Variants in ORC4 observed in about 807,000 individuals in gnomAD.
ORC4 encodes the protein origin recognition complex subunit 4, also known as origin recognition complex, subunit 4 homolog.
A neutral mutation model predicts 63.9 loss-of-function variants in ORC4; 55 were observed. The observed-to-expected ratio is 0.86, with a 90% CI of 0.69 to 1.08. The LOEUF is 1.08. Ranked by LOEUF, ORC4 falls within the 50% of genes least tolerant of loss-of-function variation. ORC4 has a pLI of 0.00. For synonymous variants in ORC4, 150 were observed against 168.5 expected (o/e 0.89, Z 0.85); for missense variants, 511 against 504.4 (o/e 1.01, Z -0.13).
chr2:147,974,696 A>T (rs1690432773), intron 2 of ORC4, among the ~76,000 whole-genome samples: 1 of 151,912 alleles, frequency 6.6e-6, no homozygotes, highest in Non-Finnish European at 1.5e-5. Flanking sequence ...TTGTACAGGT[A>T]ATAGCTAATA....
chr2:147,938,893 AATG>A (rs1379453647), intron 11 of ORC4, among the ~76,000 whole-genome samples: 1 of 152,186 alleles, frequency 6.6e-6, no homozygotes, highest in African/African-American at 2.4e-5. Context: ...TTCTTGATAC[AATG>A]ATAACATCAG....
chr2:147,943,126 A>G (rs1405321245), intron 10 of ORC4, among the ~76,000 whole-genome samples: 2 of 152,158 alleles, frequency 1.3e-5, no homozygotes, highest in Admixed American at 6.6e-5. Flanking sequence ...ATCAAATAAA[A>G]GGAGATATGA....
chr2:147,943,726 C>A (rs1313880521), intron 9 of ORC4, among the ~76,000 whole-genome samples: 1 of 152,108 alleles, frequency 6.6e-6, no homozygotes, highest in Non-Finnish European at 1.5e-5. Context: ...CTGTTCTTTA[C>A]GTTAATTCAA....
At chr2:147,972,218 A>G (rs1041060265) in intron 4 of ORC4, among the ~76,000 whole-genome samples, 6 of 152,150 alleles carry the variant, frequency 3.9e-5, no homozygotes, top group African/African-American at 1.2e-4. Context: ...CAAGAATGAT[A>G]TAAGATGTGA....
chr2:147,970,699 A>C (rs1304785669), intron 4 of ORC4, among the ~76,000 whole-genome samples: 1 of 152,048 alleles, frequency 6.6e-6, no homozygotes, highest in African/African-American at 2.4e-5. Context: ...TCACAGACCT[A>C]TATATAAAAT....
chr2:147,973,566 A>C (rs1690351574), intron 2 of ORC4, 42 bp from the exon 3 acceptor site: 1 of 1,072,398 alleles, frequency 9.3e-7, no homozygotes, highest in Admixed American at 1.8e-5. Flanking sequence ...AAAATATTAC[A>C]CATGATATAA....
intron 1 of ORC4, among the ~76,000 whole-genome samples, chr2:147,985,507 T>C (rs1248047054): frequency 6.6e-6 from 1 of 152,180 alleles, no homozygotes; most frequent in Non-Finnish European, 1.5e-5. Context: ...TAGTAAACTC[T>C]CTTAACATCT....
At chr2:147,939,059 A>T in intron 11 of ORC4, 81 bp downstream of exon 11, 1 of 859,322 alleles carries the variant, frequency 1.2e-6, no homozygotes, top group Non-Finnish European at 2.0e-6. Context: ...TGCCCACGTT[A>T]ATTGTAATTT....
intron 10 of ORC4, 78 bp downstream of exon 10, chr2:147,943,358 C>A (rs1369428893): frequency 1.1e-6 from 1 of 945,524 alleles, no homozygotes; most frequent in Non-Finnish European, 1.7e-6. Flanking sequence ...CGCAACCAGT[C>A]TGAGCAACAA....
At chr2:148,011,366 C>T (rs1375822475) in intron 1 of ORC4, among the ~76,000 whole-genome samples, 1 of 152,112 alleles carries the variant, frequency 6.6e-6, no homozygotes, top group African/African-American at 2.4e-5. Flanking sequence ...GAATGAAGGA[C>T]ACAAAGTGTA....
At chr2:148,017,814 C>T (rs1380821910) in intron 1 of ORC4, among the ~76,000 whole-genome samples, 1 of 152,158 alleles carries the variant, frequency 6.6e-6, no homozygotes, top group East Asian at 1.9e-4. Context: ...TAATTGAACA[C>T]TAAATAAAAC....
At chr2:148,020,479 C>A (rs969670100) in intron 1 of ORC4, 154 bp downstream of exon 1, 8 of 152,354 alleles carry the variant, frequency 5.3e-5, no homozygotes, top group African/African-American at 1.9e-4. Context: ...CCTGGCCTTC[C>A]CGGCCTATAC....
intron 13 of ORC4, among the ~76,000 whole-genome samples, chr2:147,935,956 T>A (rs1688030250): frequency 6.6e-6 from 1 of 152,202 alleles, no homozygotes; most frequent in South Asian, 2.1e-4. Context: ...ATTCAATATA[T>A]ACAATATGGT....
At chr2:147,985,152 T>C (rs972257866) in intron 1 of ORC4, among the ~76,000 whole-genome samples, 1 of 152,198 alleles carries the variant, frequency 6.6e-6, no homozygotes, top group African/African-American at 2.4e-5. Flanking sequence ...CTAACTCTGT[T>C]TGGCCAACAA....
At chr2:148,016,615 G>A (rs903900228) in intron 1 of ORC4, among the ~76,000 whole-genome samples, 3 of 152,086 alleles carry the variant, frequency 2.0e-5, no homozygotes, top group Non-Finnish European at 4.4e-5. Context: ...TTTTTTCAGG[G>A]AAAATGCTTC....
intron 4 of ORC4, among the ~76,000 whole-genome samples, chr2:147,965,954 C>CCAA (rs1689868048): frequency 6.6e-6 from 1 of 152,078 alleles, no homozygotes; most frequent in Admixed American, 6.5e-5. Flanking sequence ...ACCTGTAACC[C>CCAA]CAACACTTTG....
chr2:147,966,835 T>C (rs928147326), intron 4 of ORC4, among the ~76,000 whole-genome samples: 1 of 152,200 alleles, frequency 6.6e-6, no homozygotes, highest in Non-Finnish European at 1.5e-5. Flanking sequence ...GAGAAAATTC[T>C]TCCTAATTCG....
chr2:147,995,416 C>T (rs185045058), intron 1 of ORC4, among the ~76,000 whole-genome samples: 13 of 152,028 alleles, frequency 8.6e-5, no homozygotes, highest in Admixed American at 7.9e-4. Flanking sequence ...GCAGGATGTG[C>T]GTGGGGCCAA....
chr2:147,975,522 C>T (rs1226978527), intron 2 of ORC4, among the ~76,000 whole-genome samples: 3 of 143,916 alleles, frequency 2.1e-5, no homozygotes, highest in Non-Finnish European at 4.5e-5. Context: ...AAAAAAAAGG[C>T]ATCTAGATTG....
Sources: allele counts gnomAD v4.1 joint callset (sites outside exome capture counted in the v4.1 genomes callset), GRCh38; gene constraint gnomAD v4.1.1; transcripts MANE v1.5; gene names NCBI Gene and HGNC (gene_info 2026-07-23, HGNC 2026-07-21).